The following NSL1 variants were observed in gnomAD, a reference collection of about 807,000 sequenced individuals.
NSL1 encodes the protein kinetochore-associated protein NSL1 homolog.
In NSL1, 11 loss-of-function variants were observed where a neutral mutation model predicts 25.4. That is an observed-to-expected ratio of 0.43 (90% CI 0.27 to 0.72). The LOEUF (loss-of-function observed/expected upper bound fraction) is 0.72. NSL1 is among the 30% of genes least tolerant of loss of function. The pLI, the probability that NSL1 is intolerant of heterozygous loss-of-function variation, is 0.19. For missense variants in NSL1, 330 were observed against 342.7 expected, an observed-to-expected ratio of 0.96 and a Z score of 0.29; for synonymous variants, 118 against 120.6, an observed-to-expected ratio of 0.98 and a Z score of 0.14.
At position 212,783,907 on chromosome 1, in the gene NSL1, A is replaced by T. The variant is rs150412387; in HGVS notation, c.444+456T>A. Reference sequence around the variant, plus strand: ...CAGCAAAACAAATTACACCCAATTCATAAAGCAAATTTCAGTGTTATGAAC... The same window carrying T: ...CAGCAAAACAAATTACACCCAATTCTTAAAGCAAATTTCAGTGTTATGAAC... On this transcript the variant is annotated intron_variant, in intron 3 of 5. Coordinates refer to ENST00000366977, the MANE Select transcript of NSL1 (RefSeq NM_015471.4). 1.1e-3 allele frequency among the ~76,000 whole-genome samples: 170 copies of T among 152,344 alleles called. 3 individuals carry two copies. In the Middle Eastern group the frequency reaches 0.017, roughly 15 times the overall value.
chr1:212,732,261 G>A lies in NSL1; in HGVS notation c.*6147C>T, dbSNP rs902366642. On this transcript the variant is annotated 3_prime_UTR_variant, in exon 6 of 6. Coordinates refer to ENST00000366977, the MANE Select transcript of NSL1 (RefSeq NM_015471.4). ...TTCTGCATAGTTAACATTATCACTC[G>A]TGTTGTCACTTTTATTTTTTTCTGA... is the stretch of plus-strand genomic sequence containing the variant. 7.2e-6 allele frequency: 7 copies of A among 977,446 alleles called. No homozygotes were observed. Among genetic ancestry groups the A allele is most frequent in the East Asian group, 2.3e-4 (2 of 8,770 alleles). 60.5% of individuals were successfully genotyped at this position (977,446 alleles called of 1,614,324 possible).
chr1:212,734,621 A>G lies in NSL1; in HGVS notation c.*3787T>C, dbSNP rs6694448. On this transcript the variant is annotated 3_prime_UTR_variant, in exon 6 of 6. Transcript: ENST00000366977. The stretch of plus-strand genomic sequence containing the variant: ...TTCTGTGATTCCATACACAGGATGT[A>G]TTCTCTTGTGCCTGGCTTTGCTTCT... 0.2 allele frequency among the ~76,000 whole-genome samples: 31,053 copies of G among 152,130 alleles called. 3,996 individuals are homozygous for G. Among genetic ancestry groups the G allele is most frequent in the African/African-American group, 0.37 (15,467 of 41,458 alleles).
At chr1:212,769,012 C>T (rs1659970115) in intron 4 of NSL1, among the ~76,000 whole-genome samples, 1 of 151,794 alleles carries the variant, frequency 6.6e-6, no homozygotes, top group African/African-American at 2.4e-5. Flanking sequence ...CTCCACTGCA[C>T]TCCAGCCTGG....
chr1:212,782,787 A>G (rs1188167582), intron 3 of NSL1, among the ~76,000 whole-genome samples: 6 of 152,234 alleles, frequency 3.9e-5, no homozygotes, highest in Admixed American at 2.6e-4. Context: ...ACAAGTGTTT[A>G]GAACTCAAAA....
chr1:212,786,374 A>T (rs1307454018), intron 2 of NSL1, among the ~76,000 whole-genome samples: 2 of 152,104 alleles, frequency 1.3e-5, no homozygotes, highest in Non-Finnish European at 2.9e-5. Context: ...AAAAAGTTAA[A>T]TAATTAGCCT....
At chr1:212,751,930 G>A (rs1370820888) in intron 4 of NSL1, among the ~76,000 whole-genome samples, 1 of 152,052 alleles carries the variant, frequency 6.6e-6, no homozygotes, top group East Asian at 1.9e-4. Context: ...TGATATACAA[G>A]TATGTGACTT....
At chr1:212,755,318 T>A (rs748691770) in intron 4 of NSL1, among the ~76,000 whole-genome samples, 2 of 151,972 alleles carry the variant, frequency 1.3e-5, no homozygotes, top group Non-Finnish European at 2.9e-5. Flanking sequence ...AAGGATTAGG[T>A]TAAAGATTTT....
At chr1:212,743,202 G>A (rs1658585246) in intron 4 of NSL1, among the ~76,000 whole-genome samples, 1 of 151,580 alleles carries the variant, frequency 6.6e-6, no homozygotes, top group Non-Finnish European at 1.5e-5. Flanking sequence ...GTCTCCCTCT[G>A]TCGCCAGCAG....
chr1:212,783,935 G>C (rs1437563357), intron 3 of NSL1, among the ~76,000 whole-genome samples: 3 of 151,902 alleles, frequency 2.0e-5, no homozygotes, highest in Non-Finnish European at 4.4e-5. Context: ...TTATGAACAG[G>C]TACTAAAACA....
At chr1:212,787,734 GAAATAA>G in intron 1 of NSL1, 97 bp from the exon 2 acceptor site, 1 of 687,196 alleles carries the variant, frequency 1.5e-6, no homozygotes, top group African/African-American at 2.2e-5. Flanking sequence ...TGTGACAGAG[GAAATAA>G]AAGTAGCAGA....
rs1454481263 is a variant in NSL1 at position 212,734,412 on chromosome 1, TTAAA to T, written c.*3992_*3995del. Among the ~76,000 whole-genome samples, 1 of 152,206 alleles carries T rather than the reference TTAAA, an allele frequency of 6.6e-6. No individual in the cohort carries two copies. The highest frequency in any genetic ancestry group is 2.4e-5 in the African/African-American group (1 of 41,442). ...TTTGTGCATTTTTAAAATATAAAAC[TTAAA>T]TAAAGTGCAGAAATTTTAAGTGTAT... On this transcript the variant is annotated 3_prime_UTR_variant, in exon 6 of 6. Transcript: ENST00000366977.
intron 4 of NSL1, among the ~76,000 whole-genome samples, chr1:212,741,201 GTGGTA>G (rs139169406): frequency 0.023 from 3,458 of 152,274 alleles, 60 homozygotes; most frequent in South Asian, 0.042. Context: ...AATTTTCTCT[GTGGTA>G]TGGCAAATAA....
intron 4 of NSL1, among the ~76,000 whole-genome samples, chr1:212,773,683 C>G (rs1660226222): frequency 1.3e-5 from 2 of 152,132 alleles, no homozygotes; most frequent in Non-Finnish European, 2.9e-5. Context: ...ATTCCTGCCA[C>G]TGGGTATTCA....
rs1248979349 is a variant in NSL1 at position 212,791,703 on chromosome 1, C to T, written c.61G>A (p.Gly21Ser). 2.5e-6 allele frequency: 4 copies of T among 1,613,968 alleles called. No homozygotes were observed. The Admixed American group carries it at 5.0e-5, about 20-fold the overall frequency. The change falls in exon 1 of 6, where the codon GGC becomes AGC. Residue 21 changes from glycine (G) to serine (S), a missense_variant. Coordinates refer to ENST00000366977, the MANE Select transcript of NSL1 (RefSeq NM_015471.4). The part of the protein sequence containing the change: ...DPPWDKELAA[G>S]TESQALVSAT... ...GAGACCAAGGCCTGGCTCTCTGTGC[C>T]AGCCGCGAGCTCCTTGTCCCATGGA...
chr1:212,780,667 TCTTA>T (rs1660697173), intron 4 of NSL1, among the ~76,000 whole-genome samples: 1 of 152,194 alleles, frequency 6.6e-6, no homozygotes, highest in African/African-American at 2.4e-5. Flanking sequence ...CTTTCCACTT[TCTTA>T]CTAAGCCATT....
chr1:212,768,105 A>C (rs892066777), intron 4 of NSL1, among the ~76,000 whole-genome samples: 2 of 152,174 alleles, frequency 1.3e-5, no homozygotes, highest in Non-Finnish European at 2.9e-5. Flanking sequence ...AGATTACCTG[A>C]GGTCAGGAGT....
In NSL1 at chr1:212,735,941, A is replaced by G; in HGVS notation, c.*2467T>C. The G allele has an allele frequency of 4.1e-6, 4 of 985,242 alleles. No individual in the cohort carries two copies. The highest frequency in any genetic ancestry group is 4.8e-6 in the Non-Finnish European group (4 of 829,730). 61.0% of individuals were successfully genotyped at this position (985,242 alleles called of 1,614,324 possible). A position where few individuals can be genotyped will look rare whatever the true frequency, so the allele number is the denominator to read the frequency against. ...CCAGCCTGTGGTATTCTGTTATAGT[A>G]GCCTAAATAAACAAATGTAGATTTT... On this transcript the variant is annotated 3_prime_UTR_variant, in exon 6 of 6. Coordinates refer to ENST00000366977, the MANE Select transcript of NSL1 (RefSeq NM_015471.4).
At position 212,737,953 on chromosome 1, in the gene NSL1, C is replaced by T. The variant is rs934405908; in HGVS notation, c.*455G>A. 3 of 985,426 alleles carry T rather than the reference C, an allele frequency of 3.0e-6. No homozygotes were observed. Among genetic ancestry groups the T allele is most frequent in the Non-Finnish European group, 3.6e-6 (3 of 830,184 alleles). 61.0% of individuals were successfully genotyped at this position (985,426 alleles called of 1,614,324 possible). ...ACTACATCTTTAAAAAAAAACCCTG[C>T]ATCTGCTGCTGTGCAGAACTGATAA... On this transcript the variant is annotated 3_prime_UTR_variant, in exon 6 of 6. Transcript: ENST00000366977.
chr1:212,767,773 C>T (rs1339751737), intron 4 of NSL1, among the ~76,000 whole-genome samples: 1 of 152,038 alleles, frequency 6.6e-6, no homozygotes, highest in Admixed American at 6.6e-5. Flanking sequence ...CATGGATAGA[C>T]AATTCTCAAA....
Sources: allele counts gnomAD v4.1 joint callset (sites outside exome capture counted in the v4.1 genomes callset), GRCh38; gene constraint gnomAD v4.1.1; transcripts MANE v1.5; gene names NCBI Gene and HGNC (gene_info 2026-07-23, HGNC 2026-07-21).